Variants in RBM28 observed in about 807,000 individuals in gnomAD.
The protein encoded by RBM28 is RNA binding motif protein 28.
In RBM28, 78 loss-of-function variants were observed where a neutral mutation model predicts 98.3. The observed-to-expected ratio is 0.79, with a 90% CI of 0.66 to 0.96. The LOEUF (loss-of-function observed/expected upper bound fraction) is 0.96. RBM28 is among the 40% of genes least tolerant of loss of function. RBM28 has a pLI of 0.00. For synonymous variants in RBM28, 306 were observed against 330.9 expected, an observed-to-expected ratio of 0.92 and a Z score of 0.82; for missense variants, 838 against 913.0, an observed-to-expected ratio of 0.92 and a Z score of 1.06.
chr7:128,335,867 C>T lies in RBM28; in HGVS notation c.789G>A (p.Lys263=). The T allele has an allele frequency of 6.2e-7, 1 of 1,614,116 alleles. No individual in the cohort carries two copies. The highest frequency in any genetic ancestry group is 8.5e-7 in the Non-Finnish European group (1 of 1,180,020). The change falls in exon 7 of 19, where the codon AAG becomes AAA. Residue 263 remains lysine, a synonymous_variant. Transcript: ENST00000223073. ...CTTACCTCTTCTGAATTTGCACAGG[C>T]TTGGTCACCTTTGATTCTATATTCT... is the stretch of plus-strand genomic sequence containing the variant. The part of the protein sequence containing the change: ...EEENIESKVT[K]PVQIQKRAVK...
chr7:128,339,235 T>TTA lies in RBM28; in HGVS notation c.363_364insTA (p.Ser122Ter). Reference sequence around the variant, plus strand: ...TTTTCTCTCTCACTTACCTTAAAGCTCAGGTTCCGAATAATTAATCTGGCT... The same window carrying TTA: ...TTTTCTCTCTCACTTACCTTAAAGCTTACAGGTTCCGAATAATTAATCTGGCT... On this transcript the variant is annotated frameshift_variant, in exon 3 of 19. Transcript: ENST00000223073. LOFTEE classifies it high-confidence loss of function. The TTA allele has an allele frequency of 6.2e-7, 1 of 1,610,184 alleles. No individual in the cohort carries two copies. The highest frequency in any genetic ancestry group is 8.5e-7 in the Non-Finnish European group (1 of 1,176,426).
At position 128,318,027 on chromosome 7, in the gene RBM28, T is replaced by C; in HGVS notation, c.1643A>G (p.Gln548Arg). 1 of 1,614,086 alleles carries C rather than the reference T, an allele frequency of 6.2e-7. No homozygotes were observed. Among genetic ancestry groups the C allele is most frequent in the East Asian group, 2.2e-5 (1 of 44,888 alleles). Residue 548 changes from glutamine (Q) to arginine (R), a missense_variant, in exon 15 of 19, where the codon CAA (glutamine) becomes CGA (arginine). By Grantham distance (43) the Gln-to-Arg change is conservative. Transcript: ENST00000223073. ...GGCTTTCAGGGCATGCTCGTGCTCT[T>C]GGAACTCCGCAAAGGCGTAGCCCAG... ...QSLGYAFAEFQEHEHALKALR... is the reference protein window; with the variant it reads ...QSLGYAFAEFREHEHALKALR...
chr7:128,327,530 C>T (rs559296168), intron 10 of RBM28, among the ~76,000 whole-genome samples: 1 of 150,132 alleles, frequency 6.7e-6, no homozygotes, highest in African/African-American at 2.5e-5. Context: ...GACGGAGTTT[C>T]GCTCTTGTTG....
In RBM28 at chr7:128,310,562, T is replaced by C. The variant is rs79548679; in HGVS notation, c.*235A>G. On this transcript the variant is annotated 3_prime_UTR_variant, in exon 19 of 19. Transcript: ENST00000223073. ...ACACAACTTCATACAATAATCTGGA[T>C]AATATGCAAGAAGCATCATGTTGAC... 1.1e-3 allele frequency: 625 copies of C among 570,368 alleles called. 1 individual carries two copies. Among genetic ancestry groups the C allele is most frequent in the Non-Finnish European group, 1.5e-3 (482 of 319,984 alleles). 35.3% of individuals were successfully genotyped at this position (570,368 alleles called of 1,614,324 possible).
chr7:128,341,713 T>A (rs746090214), intron 1 of RBM28, among the ~76,000 whole-genome samples: 3 of 152,192 alleles, frequency 2.0e-5, no homozygotes, highest in Non-Finnish European at 4.4e-5. Context: ...AAAGGAGAAC[T>A]CCCATTCAAT....
chr7:128,327,545 G>A (rs1263057245), intron 10 of RBM28, among the ~76,000 whole-genome samples: 2 of 151,564 alleles, frequency 1.3e-5, no homozygotes, highest in African/African-American at 2.4e-5. Context: ...TTGTTGCCCA[G>A]GCTGGAGTCT....
chr7:128,339,352 T>C, intron 2 of RBM28, 31 bp from the exon 3 acceptor site: 1 of 1,526,778 alleles, frequency 6.5e-7, no homozygotes, highest in Non-Finnish European at 9.0e-7. Context: ...GAATAAGTAC[T>C]CGAAAATCAC....
In RBM28 at chr7:128,303,077, A is replaced by C. The variant is rs1795802898; in HGVS notation, c.*7720T>G. 1 of 152,178 alleles carries C rather than the reference A, an allele frequency of 6.6e-6. No individual in the cohort carries two copies. The highest frequency in any genetic ancestry group is 1.5e-5 in the Non-Finnish European group (1 of 68,036). The allele number at this position is 152,178 out of a possible 1,614,324, so 9.4% of individuals were successfully genotyped here. On this transcript the variant is annotated 3_prime_UTR_variant, in exon 19 of 19. Coordinates refer to ENST00000223073, the MANE Select transcript of RBM28 (RefSeq NM_018077.3). ...CCAAGCCCAGCTGGAAGTTTTTAAA[A>C]CGTTTCAACATTCAAAGAATGTGAG...
chr7:128,328,084 A>G (rs1016763882), intron 10 of RBM28, among the ~76,000 whole-genome samples: 1 of 152,134 alleles, frequency 6.6e-6, no homozygotes, highest in Admixed American at 6.5e-5. Context: ...TCACATCTTT[A>G]TTATAGCACT....
rs1796067007 is a variant in RBM28, at chr7:128,314,648, T to C, written c.2045+116A>G. Reference sequence around the variant, plus strand: ...TGTTAACCCCATGTGTGGGAATACATAGCACCAAACATCCTTTTCAACCAA... The same window carrying C: ...TGTTAACCCCATGTGTGGGAATACACAGCACCAAACATCCTTTTCAACCAA... On this transcript the variant is annotated intron_variant, in intron 17 of 18. Coordinates refer to ENST00000223073, the MANE Select transcript of RBM28 (RefSeq NM_018077.3). 4 of 1,528,598 alleles carry C rather than the reference T, an allele frequency of 2.6e-6. No individual in the cohort carries two copies. The East Asian group carries it at 9.0e-5, about 34-fold the overall frequency. The allele number at this position is 1,528,598 out of a possible 1,614,324, so 94.7% of individuals were successfully genotyped here.
At chr7:128,338,097 G>C (rs1796640795) in intron 5 of RBM28, among the ~76,000 whole-genome samples, 153 bp downstream of exon 5, 1 of 152,144 alleles carries the variant, frequency 6.6e-6, no homozygotes, top group Non-Finnish European at 1.5e-5. Context: ...CCAAGATCAA[G>C]TTCTAGAGTA....
chr7:128,310,945 G>C lies in RBM28; in HGVS notation c.2146-14C>G, dbSNP rs1299479132. On this transcript the variant is annotated splice_polypyrimidine_tract_variant and intron_variant, in intron 18 of 18. Transcript: ENST00000223073. ...TTTCCTAGATACCTACAAATGAAAG[G>C]ATTAGAAACATAATATAATCAATTT... 3.7e-6 allele frequency: 6 copies of C among 1,608,602 alleles called. No individual in the cohort carries two copies. In the Middle Eastern group the frequency reaches 5.0e-4, roughly 133 times the overall value.
rs974237553 is a variant in RBM28 at position 128,308,912 on chromosome 7, G to A, written c.*1885C>T. The A allele has an allele frequency of 3.0e-5, 4 of 134,972 alleles. No homozygotes were observed. Among genetic ancestry groups the A allele is most frequent in the Non-Finnish European group, 4.6e-5 (3 of 65,792 alleles). 8.4% of individuals were successfully genotyped at this position (134,972 alleles called of 1,614,324 possible). On this transcript the variant is annotated 3_prime_UTR_variant, in exon 19 of 19. Coordinates refer to ENST00000223073, the MANE Select transcript of RBM28 (RefSeq NM_018077.3). ...GAATCGCTTGAACCCAGGAGGCGGAGGTTGCAGTGAGCCAAGATCATGCCA... is the reference window on the plus strand; with the variant it reads ...GAATCGCTTGAACCCAGGAGGCGGAAGTTGCAGTGAGCCAAGATCATGCCA...
chr7:128,341,172 C>A, intron 1 of RBM28: 1 of 1,289,820 alleles, frequency 7.8e-7, no homozygotes. Context: ...GCATTTGAAT[C>A]TCCTTCAGGG....
Position 128,305,994 on chromosome 7 carries a change from C to T in RBM28, c.*4803G>A, listed in dbSNP as rs1301772524. ...CACCATTATCCTCAATCACCAATCACTAAGCATTGCCATGTACCAGGCCCA... is the reference window on the plus strand; with the variant it reads ...CACCATTATCCTCAATCACCAATCATTAAGCATTGCCATGTACCAGGCCCA... On this transcript the variant is annotated 3_prime_UTR_variant, in exon 19 of 19. Coordinates refer to ENST00000223073, the MANE Select transcript of RBM28 (RefSeq NM_018077.3). The T allele has an allele frequency of 6.6e-6, 1 of 152,262 alleles. No individual in the cohort carries two copies. The highest frequency in any genetic ancestry group is 1.5e-5 in the Non-Finnish European group (1 of 68,060). The allele number at this position is 152,262 out of a possible 1,614,324, so 9.4% of individuals were successfully genotyped here. A position where few individuals can be genotyped will look rare whatever the true frequency, so the allele number is the denominator to read the frequency against.
At position 128,330,158 on chromosome 7, in the gene RBM28, A is replaced by G. The variant is rs1344393237; in HGVS notation, c.1129+661T>C. Among the ~76,000 whole-genome samples, 4 of 152,114 alleles carry G rather than the reference A, an allele frequency of 2.6e-5. No homozygotes were observed. In the East Asian group the frequency reaches 5.8e-4, roughly 22 times the overall value. On this transcript the variant is annotated intron_variant, in intron 10 of 18. Transcript: ENST00000223073. ...GTCAGCTTCTACCTCTAACAAAAGC[A>G]ACAGGAAAAAAAAAGATCCTGGTAA... is the stretch of plus-strand genomic sequence containing the variant.
rs888800197 is a variant in RBM28, at chr7:128,304,011, A to G, written c.*6786T>C. The G allele has an allele frequency of 6.6e-6, 1 of 152,190 alleles. No individual in the cohort carries two copies. Among genetic ancestry groups the G allele is most frequent in the Non-Finnish European group, 1.5e-5 (1 of 68,042 alleles). 9.4% of individuals were successfully genotyped at this position (152,190 alleles called of 1,614,324 possible). A position where few individuals can be genotyped will look rare whatever the true frequency, so the allele number is the denominator to read the frequency against. On this transcript the variant is annotated 3_prime_UTR_variant, in exon 19 of 19. Transcript: ENST00000223073. ...TGGACAACTAAAAAAGCAAGTGGGG[A>G]CATCTCAAAGAGTGGGCTGGCCACT...
chr7:128,314,628 A>G (rs940863679), intron 17 of RBM28, 136 bp downstream of exon 17: 1 of 1,430,126 alleles, frequency 7.0e-7, no homozygotes, highest in Non-Finnish European at 9.8e-7. Context: ...TCGCGTGTTA[A>G]CCCCATGTGT....
At chr7:128,333,047 T>C (rs745534472) in intron 9 of RBM28, among the ~76,000 whole-genome samples, 9 of 152,216 alleles carry the variant, frequency 5.9e-5, no homozygotes, top group Non-Finnish European at 1.3e-4. Context: ...TTCCAAATGA[T>C]GCCAACCCAA....
Sources: gnomAD v4.1 joint callset for allele counts (sites outside exome capture counted in the v4.1 genomes callset) on GRCh38, gnomAD v4.1.1 for gene constraint, MANE v1.5 for transcripts, NCBI Gene and HGNC (gene_info 2026-07-23, HGNC 2026-07-21) for gene names.